The following DAB1 variants were observed in gnomAD, a reference collection of about 807,000 sequenced individuals.
The protein encoded by DAB1 is disabled homolog 1.
DAB1 carries 15 observed loss-of-function variants against 64.6 expected under a neutral mutation model. The observed-to-expected ratio is 0.23, with a 90% confidence interval of 0.16 to 0.36. The LOEUF (loss-of-function observed/expected upper bound fraction) is 0.36. DAB1 is among the 10% of genes least tolerant of loss of function. The pLI is 1.00. For missense variants in DAB1, 596 were observed against 706.7 expected (o/e 0.84, Z 1.78); for synonymous variants, 235 against 251.9 (o/e 0.93, Z 0.64).
intron 5 of DAB1, among the ~76,000 whole-genome samples, chr1:58,089,500 TCAA>T (rs745609248): frequency 6.6e-6 from 1 of 152,212 alleles, no homozygotes; most frequent in Admixed American, 6.5e-5. Flanking sequence ...GGATGGACCC[TCAA>T]TAAAAAGGTT....
intron 1 of DAB1, among the ~76,000 whole-genome samples, chr1:57,297,121 G>T (rs1359300589): frequency 6.6e-6 from 1 of 152,096 alleles, no homozygotes; most frequent in Non-Finnish European, 1.5e-5. Flanking sequence ...AGGCATTTAA[G>T]AAATCGGAAG....
At chr1:58,515,014 TATTG>T (rs1289351869) in intron 2 of DAB1, among the ~76,000 whole-genome samples, 1 of 152,208 alleles carries the variant, frequency 6.6e-6, no homozygotes, top group Non-Finnish European at 1.5e-5. Flanking sequence ...TTAAAAATGT[TATTG>T]ATTATTATAC....
chr1:58,017,307 C>T (rs972530943), intron 5 of DAB1, among the ~76,000 whole-genome samples: 6 of 152,096 alleles, frequency 3.9e-5, no homozygotes, highest in Non-Finnish European at 8.8e-5. Flanking sequence ...ATCTCATGTT[C>T]GAAATCAGTC....
At chr1:58,102,498 T>C (rs138284027) in intron 5 of DAB1, among the ~76,000 whole-genome samples, 1 of 152,276 alleles carries the variant, frequency 6.6e-6, no homozygotes, top group Non-Finnish European at 1.5e-5. Context: ...TTCTCCTGAA[T>C]CCATATTTTC....
intron 2 of DAB1, among the ~76,000 whole-genome samples, chr1:57,256,065 G>A (rs749313567): frequency 6.6e-5 from 10 of 152,266 alleles, no homozygotes; most frequent in South Asian, 2.1e-4. Flanking sequence ...TTATCAGCAC[G>A]TTACTTCCCA....
chr1:57,399,380 T>C (rs1019906746), intron 1 of DAB1, among the ~76,000 whole-genome samples: 1 of 152,244 alleles, frequency 6.6e-6, no homozygotes, highest in Non-Finnish European at 1.5e-5. Context: ...CATAGTTTCC[T>C]GATCTCAAGA....
rs12034994 is a variant in DAB1, at chr1:57,976,571, A to G, written n.388-92409T>C. Among the ~76,000 whole-genome samples the G allele has an allele frequency of 9.1e-3, 1,381 of 152,236 alleles. 40 individuals are homozygous for G. The highest frequency in any genetic ancestry group is 0.081 in the East Asian group (418 of 5,154). ...TCCAAACATTCATCAGGCTCATCAAAGTTATGAGCAAAATAATTTTTCTCC... is the reference window on the plus strand; with the variant it reads ...TCCAAACATTCATCAGGCTCATCAAGGTTATGAGCAAAATAATTTTTCTCC... On this transcript the variant is annotated intron_variant and non_coding_transcript_variant, in intron 5 of 20. Transcript: ENST00000485760.
chr1:58,382,035 C>G (rs1019115231), intron 3 of DAB1, among the ~76,000 whole-genome samples: 1 of 152,204 alleles, frequency 6.6e-6, no homozygotes, highest in East Asian at 1.9e-4. Flanking sequence ...GCATTTGAAC[C>G]TTTGACTTTA....
At chr1:57,243,768 G>A (rs1388701091) in intron 2 of DAB1, among the ~76,000 whole-genome samples, 1 of 152,146 alleles carries the variant, frequency 6.6e-6, no homozygotes. Flanking sequence ...GACATAAGCA[G>A]CGCTGGTGGT....
intron 5 of DAB1, among the ~76,000 whole-genome samples, chr1:58,023,663 T>A (rs924820049): frequency 3.9e-5 from 6 of 152,166 alleles, no homozygotes; most frequent in African/African-American, 1.4e-4. Flanking sequence ...AAGAATAATT[T>A]ATGTAAGTCT....
chr1:58,220,223 T>C (rs958723325), intron 4 of DAB1, among the ~76,000 whole-genome samples: 3 of 152,204 alleles, frequency 2.0e-5, no homozygotes, highest in African/African-American at 7.2e-5. Context: ...GAGTGATCAG[T>C]GAATCACAGT....
chr1:58,011,810 C>T (rs1413183805), intron 5 of DAB1, among the ~76,000 whole-genome samples: 1 of 152,110 alleles, frequency 6.6e-6, no homozygotes, highest in Non-Finnish European at 1.5e-5. Context: ...TCCTGTTCAG[C>T]CTCCCAAGTA....
chr1:57,645,276 T>C (rs1037111045), intron 7 of DAB1, among the ~76,000 whole-genome samples: 8 of 152,136 alleles, frequency 5.3e-5, no homozygotes, highest in Admixed American at 3.9e-4. Flanking sequence ...GGAAGGAATA[T>C]TGTAGCTGGC....
intron 7 of DAB1, among the ~76,000 whole-genome samples, chr1:57,494,740 T>A (rs927080074): frequency 6.6e-6 from 1 of 152,210 alleles, no homozygotes; most frequent in South Asian, 2.1e-4. Flanking sequence ...CTCGTCTCAA[T>A]ATAATTAGGC....
At chr1:57,608,050 T>C (rs1047212222) in intron 7 of DAB1, among the ~76,000 whole-genome samples, 1 of 152,110 alleles carries the variant, frequency 6.6e-6, no homozygotes, top group African/African-American at 2.4e-5. Flanking sequence ...CAGCTTATAA[T>C]ACCTGAAGAC....
intron 4 of DAB1, among the ~76,000 whole-genome samples, chr1:58,187,844 GC>G (rs1657168634): frequency 6.7e-6 from 1 of 149,994 alleles, no homozygotes; most frequent in Admixed American, 6.6e-5. Flanking sequence ...CTCCCAAAGT[GC>G]TGGGATTACA....
At chr1:57,131,471 T>C (rs1050896065) in intron 4 of DAB1, among the ~76,000 whole-genome samples, 1 of 152,156 alleles carries the variant, frequency 6.6e-6, no homozygotes, top group South Asian at 2.1e-4. Flanking sequence ...GACAGCAACA[T>C]CCCAGATACT....
chr1:58,477,919 C>T (rs1304836793), intron 3 of DAB1, among the ~76,000 whole-genome samples: 1 of 152,008 alleles, frequency 6.6e-6, no homozygotes, highest in African/African-American at 2.4e-5. Flanking sequence ...TTCCATTACC[C>T]CTCTAAACTT....
chr1:57,262,475 T>C (rs975673158), intron 2 of DAB1, among the ~76,000 whole-genome samples: 1 of 152,150 alleles, frequency 6.6e-6, no homozygotes, highest in African/African-American at 2.4e-5. Flanking sequence ...CCCATGAAGA[T>C]ACAGACAGAG....
Sources: allele counts gnomAD v4.1 joint callset (sites outside exome capture counted in the v4.1 genomes callset), GRCh38; gene constraint gnomAD v4.1.1; transcripts MANE v1.5; gene names NCBI Gene and HGNC (gene_info 2026-07-23, HGNC 2026-07-21).